PAX1: variants seen among roughly 807,000 people sequenced by gnomAD.
The protein encoded by PAX1 is paired box protein Pax-1.
PAX1 carries 18 observed loss-of-function variants against 35.6 expected under a neutral mutation model. The ratio of observed to expected loss-of-function variants is 0.50; its 90% CI spans 0.35 to 0.75. The LOEUF is 0.75. PAX1 is among the 30% of genes least tolerant of loss of function. The probability of loss-of-function intolerance (pLI) is 0.01; values close to 1 mark genes in which losing one functional copy is unlikely to be tolerated. For synonymous variants in PAX1, 397 were observed against 305.2 expected, an observed-to-expected ratio of 1.30 and a Z score of -3.14; for missense variants, 760 against 661.5, an observed-to-expected ratio of 1.15 and a Z score of -1.63.
Position 21,707,924 on chromosome 20 carries a change from G to A in PAX1, c.917-634G>A, listed in dbSNP as rs867325098. Among the ~76,000 whole-genome samples the A allele has an allele frequency of 7.2e-5, 11 of 152,322 alleles. No homozygotes were observed. In the South Asian group the frequency reaches 1.9e-3, roughly 26 times the overall value. ...GCCTCTGTGGCCCTGCTCTGGCTTT[G>A]TGTCTCCTGGTGGCTCTAACCCAGC... On this transcript the variant is annotated intron_variant, in intron 2 of 4. Coordinates refer to ENST00000613128, the MANE Select transcript of PAX1 (RefSeq NM_001257096.2).
intron 4 of PAX1, among the ~76,000 whole-genome samples, chr20:21,713,884 T>C (rs1473427921): frequency 6.6e-6 from 1 of 152,236 alleles, no homozygotes; most frequent in African/African-American, 2.4e-5. Context: ...TGCCGCTCAC[T>C]TAAAGCGCAA....
chr20:21,717,790 T>C lies in PAX1; in HGVS notation c.*3228T>C, dbSNP rs938033596. ...TGATTTTTTGAAAGAATAGAAATAA[T>C]ATATGCGTATCACTAAAAAACTCAA... On this transcript the variant is annotated 3_prime_UTR_variant, in exon 5 of 5. Transcript: ENST00000613128. The C allele has an allele frequency of 6.6e-5, 10 of 152,254 alleles. No individual in the cohort carries two copies. Among genetic ancestry groups the C allele is most frequent in the African/African-American group, 2.2e-4 (9 of 41,550 alleles). 9.4% of individuals were successfully genotyped at this position (152,254 alleles called of 1,614,324 possible).
intron 4 of PAX1, 145 bp downstream of exon 4, chr20:21,709,589 G>A: frequency 1.6e-6 from 1 of 640,876 alleles, no homozygotes; most frequent in Non-Finnish European, 2.6e-6. Flanking sequence ...TAACCTTTGA[G>A]CATGTAGCTT....
chr20:21,706,913 C>T lies in PAX1; in HGVS notation c.762C>T (p.Tyr254=). ...TGCCCTACAACCACATCTACCAGTA[C>T]CCCTACCCCAGTCCCGTGTCGCCCA... is the stretch of plus-strand genomic sequence containing the variant. The part of the protein sequence containing the change: ...PTLPYNHIYQ[Y]PYPSPVSPTG... The change falls in exon 2 of 5, where the codon TAC becomes TAT. Residue 254 remains tyrosine, a synonymous_variant. Transcript: ENST00000613128. The surrounding 1 kb of genome is among the most constrained non-coding windows in gnomAD (Gnocchi z 5.3). 6.2e-7 allele frequency: 1 copy of T among 1,613,214 alleles called. No individual in the cohort carries two copies. Among genetic ancestry groups the T allele is most frequent in the Non-Finnish European group, 8.5e-7 (1 of 1,179,882 alleles).
At position 21,716,257 on chromosome 20, in the gene PAX1, C is replaced by T. The variant is rs974229924; in HGVS notation, c.*1695C>T. The T allele has an allele frequency of 2.1e-5, 3 of 144,464 alleles. No homozygotes were observed. The highest frequency in any genetic ancestry group is 2.9e-5 in the Non-Finnish European group (2 of 67,936). 8.9% of individuals were successfully genotyped at this position (144,464 alleles called of 1,614,324 possible). A position where few individuals can be genotyped will look rare whatever the true frequency, so the allele number is the denominator to read the frequency against. On this transcript the variant is annotated 3_prime_UTR_variant, in exon 5 of 5. Coordinates refer to ENST00000613128, the MANE Select transcript of PAX1 (RefSeq NM_001257096.2). ...GGGGTTTGCACTACAAAGGGGCTTCCGGCTAATTGTTTTTTTTTCCTGCCT... is the reference window on the plus strand; with the variant it reads ...GGGGTTTGCACTACAAAGGGGCTTCTGGCTAATTGTTTTTTTTTCCTGCCT...
chr20:21,706,212 C>A lies in PAX1; in HGVS notation c.286+214C>A. ...ACGCGCTAAAAGTCGCGAAAGGGCA[C>A]GGAGGGCTACAATGCGCCGCGCTCC... On this transcript the variant is annotated intron_variant, in intron 1 of 4. Coordinates refer to ENST00000613128, the MANE Select transcript of PAX1 (RefSeq NM_001257096.2). This position sits in a 1 kb window ranked among gnomAD's most constrained non-coding sequence, Gnocchi z 5.3. The A allele has an allele frequency of 1.3e-6, 1 of 774,366 alleles. No homozygotes were observed. Among genetic ancestry groups the A allele is most frequent in the Non-Finnish European group, 2.2e-6 (1 of 450,930 alleles). 48.0% of individuals were successfully genotyped at this position (774,366 alleles called of 1,614,324 possible). A position where few individuals can be genotyped will look rare whatever the true frequency, so the allele number is the denominator to read the frequency against.
Position 21,714,644 on chromosome 20 carries a change from C to A in PAX1, c.*82C>A. The A allele has an allele frequency of 6.3e-7, 1 of 1,586,920 alleles. No individual in the cohort carries two copies. Reference sequence around the variant, plus strand: ...AGGTCTGCGCGGCGGCCCCGGCAATCGGCACGGGCAGGATCGGAGGACTCG... The same window carrying A: ...AGGTCTGCGCGGCGGCCCCGGCAATAGGCACGGGCAGGATCGGAGGACTCG... On this transcript the variant is annotated 3_prime_UTR_variant, in exon 5 of 5. Transcript: ENST00000613128.
At position 21,705,834 on chromosome 20, in the gene PAX1, C is replaced by T. The variant is rs1173584646; in HGVS notation, c.122C>T (p.Ser41Phe). 1.5e-6 allele frequency: 2 copies of T among 1,361,488 alleles called. No individual in the cohort carries two copies. Among genetic ancestry groups the T allele is most frequent in the Non-Finnish European group, 1.9e-6 (2 of 1,051,570 alleles). The allele number at this position is 1,361,488 out of a possible 1,614,324, so 84.3% of individuals were successfully genotyped here. A position where few individuals can be genotyped will look rare whatever the true frequency, so the allele number is the denominator to read the frequency against. The change falls in exon 1 of 5, where the codon TCC (serine) becomes TTC (phenylalanine). Residue 41 changes from serine (S) to phenylalanine (F), a missense_variant. Ser to Phe is a radical substitution (Grantham distance 155). Transcript: ENST00000613128. ...SALRCRAQRV[S>F]SPRLGRRGSR... The stretch of plus-strand genomic sequence containing the variant: ...CTCCGCTGCCGCGCACAGCGCGTCT[C>T]CAGCCCGCGGCTGGGCCGCCGCGGC...
rs1195124818 is a variant in PAX1 at position 21,706,940 on chromosome 20, G to T, written c.789G>T (p.Thr263=). The stretch of plus-strand genomic sequence containing the variant: ...CCTACCCCAGTCCCGTGTCGCCCAC[G>T]GGCGCCAAGATGGGCAGCCACCCCG... ...QYPYPSPVSP[T]GAKMGSHPGV... The change falls in exon 2 of 5, where the codon ACG becomes ACT. Residue 263 remains threonine, a synonymous_variant. Coordinates refer to ENST00000613128, the MANE Select transcript of PAX1 (RefSeq NM_001257096.2). This position sits in a 1 kb window ranked among gnomAD's most constrained non-coding sequence, Gnocchi z 5.3. 6.2e-7 allele frequency: 1 copy of T among 1,612,496 alleles called. No homozygotes were observed. The highest frequency in any genetic ancestry group is 8.5e-7 in the Non-Finnish European group (1 of 1,179,520).
intron 4 of PAX1, among the ~76,000 whole-genome samples, chr20:21,711,336 T>C (rs980901413): frequency 5.9e-5 from 9 of 152,244 alleles, no homozygotes; most frequent in African/African-American, 2.2e-4. Context: ...AAGCCAAAGG[T>C]AACACACACA....
Position 21,717,746 on chromosome 20 carries a change from A to G in PAX1, c.*3184A>G, listed in dbSNP as rs1985418859. 6.6e-6 allele frequency: 1 copy of G among 152,224 alleles called. No individual in the cohort carries two copies. 9.4% of individuals were successfully genotyped at this position (152,224 alleles called of 1,614,324 possible). A position where few individuals can be genotyped will look rare whatever the true frequency, so the allele number is the denominator to read the frequency against. ...GAGATGTAACCCAAAGAAAATAAAG[A>G]CATAATCAGATAGCCCTCTGATTTT... On this transcript the variant is annotated 3_prime_UTR_variant, in exon 5 of 5. Transcript: ENST00000613128.
intron 4 of PAX1, 62 bp from the exon 5 acceptor site, chr20:21,714,407 CCA>C: frequency 4.8e-6 from 6 of 1,246,112 alleles, no homozygotes; most frequent in Non-Finnish European, 4.4e-6. Context: ...GTCCTGAGTC[CCA>C]GTGCCTCTCG....
At chr20:21,708,733 A>C in intron 3 of PAX1, 33 bp downstream of exon 3, 1 of 1,610,176 alleles carries the variant, frequency 6.2e-7, no homozygotes, top group Non-Finnish European at 8.5e-7. Context: ...CGTGACCTTA[A>C]GTAGGGAAGC....
chr20:21,706,589 C>T lies in PAX1; in HGVS notation c.438C>T (p.Cys146=), dbSNP rs1300476094. 1.2e-6 allele frequency: 2 copies of T among 1,612,152 alleles called. No homozygotes were observed. Among genetic ancestry groups the T allele is most frequent in the Admixed American group, 1.7e-5 (1 of 60,028 alleles). ...ISRQLRVSHG[C]VSKILARYNE... is the part of the protein sequence containing the mutation. ...GGCAGCTCCGCGTATCCCACGGCTG[C>T]GTGAGCAAGATCCTGGCGCGCTACA... Residue 146 remains cysteine, a synonymous_variant, in exon 2 of 5, where the codon TGC becomes TGT. Transcript: ENST00000613128. This position sits in a 1 kb window ranked among gnomAD's most constrained non-coding sequence, Gnocchi z 5.3.
rs1415789289 is a variant in PAX1 at position 21,705,935 on chromosome 20, G to T, written c.223G>T (p.Gly75Trp). 6.8e-7 allele frequency: 1 copy of T among 1,474,154 alleles called. No individual in the cohort carries two copies. The highest frequency in any genetic ancestry group is 8.9e-7 in the Non-Finnish European group (1 of 1,120,600). The allele number at this position is 1,474,154 out of a possible 1,614,324, so 91.3% of individuals were successfully genotyped here. The change falls in exon 1 of 5, where the codon GGG (glycine) becomes TGG (tryptophan). Residue 75 changes from glycine (G) to tryptophan (W), a missense_variant. Transcript: ENST00000613128. Reference protein sequence around the residue: ...GGAQALPDCAGPSPGHPGHPG... With the variant: ...GGAQALPDCAWPSPGHPGHPG... ...CGCCCAAGCTCTCCCGGACTGCGCC[G>T]GGCCCAGCCCCGGCCACCCCGGCCA... is the stretch of plus-strand genomic sequence containing the variant.
chr20:21,708,834 A>G, intron 3 of PAX1, 134 bp downstream of exon 3: 2 of 924,294 alleles, frequency 2.2e-6, no homozygotes, highest in Non-Finnish European at 3.5e-6. Context: ...CCGGCTAGCA[A>G]GCGTCCTTTC....
chr20:21,708,547 C>G lies in PAX1; in HGVS notation c.917-11C>G. 3 of 1,613,406 alleles carry G rather than the reference C, an allele frequency of 1.9e-6. No homozygotes were observed. Among genetic ancestry groups the G allele is most frequent in the Non-Finnish European group, 8.5e-7 (1 of 1,180,022 alleles). On this transcript the variant is annotated splice_polypyrimidine_tract_variant and intron_variant, in intron 2 of 4. Coordinates refer to ENST00000613128, the MANE Select transcript of PAX1 (RefSeq NM_001257096.2). The stretch of plus-strand genomic sequence containing the variant: ...GGAGGCACCTTTTAATCCGTCCTCT[C>G]TCTCCTGCAGGGGCCCTGGCTGGGA...
intron 4 of PAX1, among the ~76,000 whole-genome samples, chr20:21,710,575 G>T (rs1003621909): frequency 6.6e-6 from 1 of 152,106 alleles, no homozygotes; most frequent in African/African-American, 2.4e-5. Context: ...TGGATGTAGT[G>T]GCAGGTGGCA....
chr20:21,714,797 GT>G lies in PAX1; in HGVS notation c.*239del. Reference sequence around the variant, plus strand: ...GGTTTTTAGGCTTCTCTGAACTTGGGTTTTAGACTGCCGTACCCTCCTCACA... The same window carrying G: ...GGTTTTTAGGCTTCTCTGAACTTGGGTTTAGACTGCCGTACCCTCCTCACA... On this transcript the variant is annotated 3_prime_UTR_variant, in exon 5 of 5. Transcript: ENST00000613128. The G allele has an allele frequency of 6.3e-7, 1 of 1,599,650 alleles. No homozygotes were observed. Among genetic ancestry groups the G allele is most frequent in the Non-Finnish European group, 8.5e-7 (1 of 1,179,506 alleles).
Sources: gnomAD v4.1 joint callset for allele counts (sites outside exome capture counted in the v4.1 genomes callset) on GRCh38, gnomAD v4.1.1 for gene constraint, Gnocchi (gnomAD v3.1) non-coding constraint, MANE v1.5 for transcripts, NCBI Gene and HGNC (gene_info 2026-07-23, HGNC 2026-07-21) for gene names.